TET1: variants seen among roughly 807,000 people sequenced by gnomAD.
The protein encoded by TET1 is methylcytosine dioxygenase TET1.
TET1 carries 13 observed loss-of-function variants against 148.7 expected under a neutral mutation model. The observed-to-expected ratio is 0.09, with a 90% CI of 0.06 to 0.14. The LOEUF is 0.14. TET1 is among the 10% of genes least tolerant of loss of function. The probability of loss-of-function intolerance (pLI) is 1.00; values close to 1 mark genes in which losing one functional copy is unlikely to be tolerated. For synonymous variants in TET1, 907 were observed against 937.2 expected (o/e 0.97, Z 0.59); for missense variants, 2,182 against 2,553.8 (o/e 0.85, Z 3.14).
intron 1 of TET1, among the ~76,000 whole-genome samples, chr10:68,567,101 T>C (rs2053615679): frequency 6.6e-6 from 1 of 152,198 alleles, no homozygotes; most frequent in Non-Finnish European, 1.5e-5. Flanking sequence ...TCCATCTTTT[T>C]ACTCTGCTAC....
chr10:68,673,052 G>A lies in TET1; in HGVS notation c.4824+7G>A. ...TCCAAGCTCTCCCTTACATGTAAGT[G>A]TCCTTCTTTATTCAAATAATTTATT... is the stretch of plus-strand genomic sequence containing the variant. On this transcript the variant is annotated splice_region_variant and intron_variant, in intron 8 of 11. Coordinates refer to ENST00000373644, the MANE Select transcript of TET1 (RefSeq NM_030625.3). 2 of 1,594,792 alleles carry A rather than the reference G, an allele frequency of 1.3e-6. No individual in the cohort carries two copies. The highest frequency in any genetic ancestry group is 1.7e-6 in the Non-Finnish European group (2 of 1,168,290).
intron 2 of TET1, among the ~76,000 whole-genome samples, chr10:68,595,612 CTTTTTTTTTTTTTT>C (rs71470530): frequency 1.3e-5 from 1 of 76,516 alleles, no homozygotes; most frequent in African/African-American, 5.1e-5. Flanking sequence ...CACACAGCTT[CTTTTTTTTTTTTTT>C]TTTTTTTTGA....
chr10:68,593,432 T>A (rs374664692), intron 2 of TET1, among the ~76,000 whole-genome samples: 22 of 151,710 alleles, frequency 1.5e-4, no homozygotes, highest in South Asian at 8.3e-4. Context: ...AAAGTTTTTT[T>A]AAAAAAATTT....
intron 3 of TET1, among the ~76,000 whole-genome samples, chr10:68,628,090 G>T (rs7913880): frequency 0.14 from 21,978 of 151,980 alleles, 1,888 homozygotes; most frequent in South Asian, 0.24. Flanking sequence ...GGGATTATAG[G>T]CACCCACCAA....
chr10:68,689,476 G>A (rs1397258201), intron 11 of TET1, among the ~76,000 whole-genome samples: 2 of 151,990 alleles, frequency 1.3e-5, no homozygotes, highest in Admixed American at 6.6e-5. Flanking sequence ...GCAGAGGCGG[G>A]CGGATCATGA....
chr10:68,663,228 G>A (rs1486829309), intron 6 of TET1, among the ~76,000 whole-genome samples: 1 of 152,108 alleles, frequency 6.6e-6, no homozygotes, highest in African/African-American at 2.4e-5. Flanking sequence ...GAACAGACTG[G>A]GGGAGAGATT....
chr10:68,672,702 C>A (rs2055292417), intron 7 of TET1, among the ~76,000 whole-genome samples, 193 bp from the exon 8 acceptor site: 1 of 151,958 alleles, frequency 6.6e-6, no homozygotes, highest in African/African-American at 2.4e-5. Flanking sequence ...GTCCCCTAGT[C>A]AGATTTCTTG....
intron 3 of TET1, among the ~76,000 whole-genome samples, chr10:68,639,987 G>C (rs547250508): frequency 1.3e-5 from 2 of 151,462 alleles, no homozygotes; most frequent in East Asian, 3.9e-4. Context: ...GAGTGGAGTG[G>C]TGCTATCTCG....
intron 3 of TET1, among the ~76,000 whole-genome samples, chr10:68,638,694 G>A (rs2054691353): frequency 6.6e-6 from 1 of 151,580 alleles, no homozygotes; most frequent in African/African-American, 2.4e-5. Context: ...TTGAGTAGCT[G>A]TTTCTTTATG....
rs115469900 is a variant in TET1, at chr10:68,635,131, C to G, written c.1969-9567C>G. 9.5e-3 allele frequency among the ~76,000 whole-genome samples: 1,433 copies of G among 150,902 alleles called. 31 individuals carry two copies. The highest frequency in any genetic ancestry group is 0.033 in the African/African-American group (1,351 of 41,200). On this transcript the variant is annotated intron_variant, in intron 3 of 11. Coordinates refer to ENST00000373644, the MANE Select transcript of TET1 (RefSeq NM_030625.3). ...TAATATATATATTTTTTCCAATATT[C>G]TTTTATTAATTGTGAGTTTGAGACT...
At chr10:68,630,984 G>T (rs189128279) in intron 3 of TET1, among the ~76,000 whole-genome samples, 1 of 151,928 alleles carries the variant, frequency 6.6e-6, no homozygotes, top group Non-Finnish European at 1.5e-5. Flanking sequence ...TGAGACCAGC[G>T]TGGGCAACAT....
intron 6 of TET1, among the ~76,000 whole-genome samples, chr10:68,659,875 T>C (rs1321359942): frequency 6.6e-6 from 1 of 152,216 alleles, no homozygotes; most frequent in Non-Finnish European, 1.5e-5. Flanking sequence ...CCCCGTTGTG[T>C]GAACTCAGTC....
At chr10:68,567,397 T>G (rs2053618910) in intron 1 of TET1, among the ~76,000 whole-genome samples, 1 of 152,026 alleles carries the variant, frequency 6.6e-6, no homozygotes, top group Non-Finnish European at 1.5e-5. Flanking sequence ...AGGGTTCAAG[T>G]GATTCTCCTG....
rs2055204442 is a variant in TET1 at position 68,667,071 on chromosome 10, A to G, written c.4488A>G (p.Glu1496=). 6.2e-7 allele frequency: 1 copy of G among 1,613,962 alleles called. No homozygotes were observed. The highest frequency in any genetic ancestry group is 8.5e-7 in the Non-Finnish European group (1 of 1,179,916). ...TTTTAAGAAGAAGCAGTGATGAAGA[A>G]AAAGTTCTTTGTTTGGTCCGGCAGC... is the stretch of plus-strand genomic sequence containing the variant. ...KWVLRRSSDE[E]KVLCLVRQRT... Residue 1496 remains glutamate (E), a synonymous_variant, in exon 7 of 12, where the codon GAA becomes GAG. Transcript: ENST00000373644.
rs750646872 is a variant in TET1 at position 68,645,305 on chromosome 10, C to T, written c.2576C>T (p.Pro859Leu). The T allele has an allele frequency of 6.2e-7, 1 of 1,614,142 alleles. No homozygotes were observed. The highest frequency in any genetic ancestry group is 1.1e-5 in the South Asian group (1 of 91,084). Residue 859 changes from proline to leucine, a missense_variant, in exon 4 of 12, where the codon CCT becomes CTT. Pro to Leu is a moderately conservative substitution (Grantham distance 98). Coordinates refer to ENST00000373644, the MANE Select transcript of TET1 (RefSeq NM_030625.3). ...IHNEGDQPKT[P>L]ENIPSKEPKD... The stretch of plus-strand genomic sequence containing the variant: ...AATGAAGGTGATCAACCAAAAACTC[C>T]TGAGAATATACCAAGTAAAGAACCA...
chr10:68,677,862 C>T (rs1220814906), intron 8 of TET1, among the ~76,000 whole-genome samples: 2 of 152,062 alleles, frequency 1.3e-5, no homozygotes, highest in African/African-American at 2.4e-5. Flanking sequence ...TCAGGTGATT[C>T]GCCTGCCTTG....
chr10:68,632,048 G>T (rs2054579668), intron 3 of TET1, among the ~76,000 whole-genome samples: 1 of 152,024 alleles, frequency 6.6e-6, no homozygotes, highest in Admixed American at 6.6e-5. Flanking sequence ...GATCTGGCCG[G>T]GCGTGGTGGC....
chr10:68,687,088 C>T (rs975344392), intron 11 of TET1, among the ~76,000 whole-genome samples: 5 of 151,788 alleles, frequency 3.3e-5, no homozygotes, highest in South Asian at 2.1e-4. Context: ...GGGGTTTCAC[C>T]GTGTTAGGCA....
At chr10:68,582,899 C>T (rs557633714) in intron 2 of TET1, among the ~76,000 whole-genome samples, 2 of 152,160 alleles carry the variant, frequency 1.3e-5, no homozygotes, top group East Asian at 3.9e-4. Context: ...GGGAAAAAAA[C>T]CAAAAAACAA....
Sources: allele counts gnomAD v4.1 joint callset (sites outside exome capture counted in the v4.1 genomes callset), GRCh38; gene constraint gnomAD v4.1.1; transcripts MANE v1.5; gene names NCBI Gene and HGNC (gene_info 2026-07-23, HGNC 2026-07-21).